The following MARCHF3 variants were observed in gnomAD, a reference collection of about 807,000 sequenced individuals.
MARCHF3 encodes the protein E3 ubiquitin-protein ligase MARCHF3.
In MARCHF3, 13 loss-of-function variants were observed where a neutral mutation model predicts 24.2. The ratio of observed to expected loss-of-function variants is 0.54; its 90% CI spans 0.35 to 0.85. The LOEUF is 0.85. Among genes scored for constraint, MARCHF3 ranks in the 40% least tolerant of loss-of-function variants. MARCHF3 has a pLI of 0.01. For synonymous variants in MARCHF3, 144 were observed against 137.3 expected, an observed-to-expected ratio of 1.05 and a Z score of -0.34; for missense variants, 276 against 325.0, an observed-to-expected ratio of 0.85 and a Z score of 1.16.
chr5:126,940,568 C>T (rs938934113), intron 1 of MARCHF3, among the ~76,000 whole-genome samples: 1 of 152,084 alleles, frequency 6.6e-6, no homozygotes, highest in Admixed American at 6.5e-5. Context: ...CTGCCTCAGC[C>T]TCCCAAGTTG....
chr5:126,910,582 T>C (rs1754483701), intron 3 of MARCHF3, among the ~76,000 whole-genome samples: 1 of 152,242 alleles, frequency 6.6e-6, no homozygotes, highest in Admixed American at 6.5e-5. Flanking sequence ...TTAACACTTT[T>C]ATAATTTCTT....
At chr5:126,980,905 A>G (rs530987384) in intron 1 of MARCHF3, among the ~76,000 whole-genome samples, 3 of 152,340 alleles carry the variant, frequency 2.0e-5, no homozygotes, top group African/African-American at 7.2e-5. Context: ...AGATGTTAAA[A>G]TTGTTTTTAG....
intron 1 of MARCHF3, among the ~76,000 whole-genome samples, chr5:126,935,612 T>C (rs1468943975): frequency 7.1e-6 from 1 of 140,226 alleles, no homozygotes; most frequent in Non-Finnish European, 1.6e-5. Flanking sequence ...TTTTTTTTTT[T>C]TTTTTTTTTT....
intron 1 of MARCHF3, among the ~76,000 whole-genome samples, chr5:127,008,022 A>G (rs2126855280): frequency 6.6e-6 from 1 of 151,972 alleles, no homozygotes; most frequent in Admixed American, 6.5e-5. Flanking sequence ...CATGTATCTT[A>G]CTTAACACAT....
intron 3 of MARCHF3, among the ~76,000 whole-genome samples, chr5:126,913,135 C>T (rs1754598979): frequency 6.6e-6 from 1 of 152,230 alleles, no homozygotes; most frequent in South Asian, 2.1e-4. Context: ...TGATTTGCCA[C>T]ATGGATTTCG....
chr5:126,891,663 C>A (rs1753698105), intron 3 of MARCHF3, among the ~76,000 whole-genome samples: 1 of 140,388 alleles, frequency 7.1e-6, no homozygotes, highest in Non-Finnish European at 1.5e-5. Flanking sequence ...TGTTTTGGTA[C>A]CAGTACCATG....
rs1398157367 is a variant in MARCHF3, at chr5:126,870,077, C to T, written c.*556G>A. The T allele has an allele frequency of 3.9e-5, 6 of 152,516 alleles. No individual in the cohort carries two copies. The highest frequency in any genetic ancestry group is 1.4e-4 in the African/African-American group (6 of 41,414). The allele number at this position is 152,516 out of a possible 1,614,324, so 9.4% of individuals were successfully genotyped here. A position where few individuals can be genotyped will look rare whatever the true frequency, so the allele number is the denominator to read the frequency against. ...AAACATTCTTCAAATATGACTTGTT[C>T]TGCATCTGTTATGCTGTCTCCTTGA... is the stretch of plus-strand genomic sequence containing the variant. On this transcript the variant is annotated 3_prime_UTR_variant, in exon 5 of 5. Coordinates refer to ENST00000308660, the MANE Select transcript of MARCHF3 (RefSeq NM_178450.5).
chr5:126,908,796 C>T (rs532800403), intron 3 of MARCHF3, among the ~76,000 whole-genome samples: 10 of 151,998 alleles, frequency 6.6e-5, no homozygotes, highest in Non-Finnish European at 8.8e-5. Flanking sequence ...GTAATTCCAT[C>T]GTCTGAAGCC....
chr5:126,933,148 G>A (rs979640868), intron 1 of MARCHF3, among the ~76,000 whole-genome samples: 1 of 152,150 alleles, frequency 6.6e-6, no homozygotes, highest in African/African-American at 2.4e-5. Context: ...CTACTTTTGG[G>A]TATCTGGGTC....
At chr5:127,016,373 G>T in intron 1 of MARCHF3, among the ~76,000 whole-genome samples, 1 of 152,006 alleles carries the variant, frequency 6.6e-6, no homozygotes, top group East Asian at 1.9e-4. Flanking sequence ...ATCTGACAAA[G>T]GACTAATATC....
intron 1 of MARCHF3, among the ~76,000 whole-genome samples, chr5:127,013,223 G>A (rs971388020): frequency 3.3e-5 from 5 of 152,034 alleles, no homozygotes; most frequent in African/African-American, 1.2e-4. Flanking sequence ...TATCCATCAT[G>A]GACTCTTTCT....
At chr5:126,902,987 T>C (rs937445559) in intron 3 of MARCHF3, among the ~76,000 whole-genome samples, 1 of 152,112 alleles carries the variant, frequency 6.6e-6, no homozygotes, top group Non-Finnish European at 1.5e-5. Flanking sequence ...GATGTTATAA[T>C]TGTATTCTCA....
At chr5:126,896,302 G>T (rs1404289946) in intron 3 of MARCHF3, among the ~76,000 whole-genome samples, 1 of 152,124 alleles carries the variant, frequency 6.6e-6, no homozygotes, top group East Asian at 1.9e-4. Flanking sequence ...GTAGACTGGA[G>T]CTGTTCCTAT....
chr5:126,980,203 A>C (rs1004963538), intron 1 of MARCHF3, among the ~76,000 whole-genome samples: 1 of 152,104 alleles, frequency 6.6e-6, no homozygotes, highest in Admixed American at 6.5e-5. Flanking sequence ...GGAAGTGACA[A>C]GTGGGCTGGG....
At chr5:127,007,531 C>A (rs1045919771) in intron 1 of MARCHF3, among the ~76,000 whole-genome samples, 1 of 151,960 alleles carries the variant, frequency 6.6e-6, no homozygotes, top group South Asian at 2.1e-4. Context: ...ACACTTCATT[C>A]CAATATATTC....
At chr5:126,967,890 A>C (rs1750870429) in intron 1 of MARCHF3, among the ~76,000 whole-genome samples, 1 of 152,170 alleles carries the variant, frequency 6.6e-6, no homozygotes. Flanking sequence ...GCATTTTACA[A>C]CATTGTGCAA....
chr5:126,993,018 C>T (rs1703361843), intron 1 of MARCHF3, among the ~76,000 whole-genome samples: 1 of 152,040 alleles, frequency 6.6e-6, no homozygotes, highest in South Asian at 2.1e-4. Context: ...GTGATCCGTC[C>T]GCCTCGGCCT....
intron 3 of MARCHF3, among the ~76,000 whole-genome samples, chr5:126,908,662 T>A (rs562988018): frequency 4.0e-5 from 6 of 151,744 alleles, no homozygotes; most frequent in Non-Finnish European, 8.8e-5. Context: ...GCCTTGGTTT[T>A]CAGCTCCATC....
chr5:126,886,581 T>C (rs866345788), intron 3 of MARCHF3, among the ~76,000 whole-genome samples: 23 of 152,344 alleles, frequency 1.5e-4, no homozygotes, highest in South Asian at 8.3e-4. Context: ...AGCAATGCTA[T>C]AGAACTCATA....
Sources: allele counts gnomAD v4.1 joint callset (sites outside exome capture counted in the v4.1 genomes callset), GRCh38; gene constraint gnomAD v4.1.1; transcripts MANE v1.5; gene names NCBI Gene and HGNC (gene_info 2026-07-23, HGNC 2026-07-21).